GLS2: variants seen among roughly 807,000 people sequenced by gnomAD.
GLS2 encodes the protein glutaminase liver isoform, mitochondrial.
GLS2 carries 52 observed loss-of-function variants against 79.0 expected under a neutral mutation model. The observed-to-expected ratio is 0.66, with a 90% CI of 0.53 to 0.83. GLS2 has a LOEUF of 0.83. Among genes scored for constraint, GLS2 ranks in the 40% least tolerant of loss-of-function variants. GLS2 has a pLI of 0.00. For synonymous variants in GLS2, 238 were observed against 280.8 expected (o/e 0.85, Z 1.52); for missense variants, 561 against 764.8 (o/e 0.73, Z 3.14).
rs1359384704 is a variant in GLS2, at chr12:56,478,062, G to A, written c.649C>T (p.Leu217=). The stretch of plus-strand genomic sequence containing the variant: ...GTGAGGGGCTTCACACAGGACTGCA[G>A]GCAGAAGGGGATCTTTGTGTGGCCC... ...SVGHTKIPFC[L]QSCVKPLTYA... is the part of the protein sequence containing the mutation. The change falls in exon 6 of 18, where the codon CTG becomes TTG. Residue 217 remains leucine (L), a synonymous_variant. Coordinates refer to ENST00000311966, the MANE Select transcript of GLS2 (RefSeq NM_013267.4). 6.2e-7 allele frequency: 1 copy of A among 1,614,108 alleles called. No individual in the cohort carries two copies. Among genetic ancestry groups the A allele is most frequent in the African/African-American group, 1.3e-5 (1 of 74,946 alleles).
intron 14 of GLS2, 99 bp from the exon 15 acceptor site, chr12:56,472,850 C>T: frequency 2.2e-6 from 2 of 911,392 alleles, no homozygotes; most frequent in Non-Finnish European, 3.6e-6. Flanking sequence ...AAGGGTATTG[C>T]TGAAGTGTTA....
chr12:56,472,477 A>C (rs1335093687), intron 15 of GLS2: 2 of 608,414 alleles, frequency 3.3e-6, no homozygotes, highest in Non-Finnish European at 5.8e-6. Flanking sequence ...TGCTCTTAAC[A>C]CTCAATAACA....
chr12:56,484,881 T>C (rs1355313086), intron 1 of GLS2, among the ~76,000 whole-genome samples: 1 of 152,224 alleles, frequency 6.6e-6, no homozygotes, highest in African/African-American at 2.4e-5. Context: ...GCATGTATTT[T>C]ATGCATAAAA....
intron 15 of GLS2, 151 bp downstream of exon 15, chr12:56,472,531 TAAAAAAAA>T: frequency 1.5e-6 from 1 of 662,106 alleles, no homozygotes. Context: ...TTACTTTTTT[TAAAAAAAA>T]TCTCCTTTTT....
In GLS2 at chr12:56,477,753, C is replaced by A. The variant is rs781422519; in HGVS notation, c.779-35G>T. On this transcript the variant is annotated intron_variant, in intron 6 of 17. Coordinates refer to ENST00000311966, the MANE Select transcript of GLS2 (RefSeq NM_013267.4). ...TACAAACCACCAAGAGTCTTAGCCACTGAACAAAGCCTCCCTGACAGCCCG... is the reference window on the plus strand; with the variant it reads ...TACAAACCACCAAGAGTCTTAGCCAATGAACAAAGCCTCCCTGACAGCCCG... 10 of 1,594,860 alleles carry A rather than the reference C, an allele frequency of 6.3e-6. No homozygotes were observed. The African/African-American group carries it at 1.4e-4, about 22-fold the overall frequency.
At chr12:56,476,050 G>C in intron 7 of GLS2, 73 bp from the exon 8 acceptor site, 1 of 1,457,458 alleles carries the variant, frequency 6.9e-7, no homozygotes, top group Admixed American at 1.7e-5. Context: ...GAAGGATCTA[G>C]TGGAGTTCTA....
chr12:56,481,571 C>T (rs998797659), intron 1 of GLS2, among the ~76,000 whole-genome samples: 10 of 151,582 alleles, frequency 6.6e-5, no homozygotes, highest in Non-Finnish European at 1.5e-4. Context: ...TTGGTAGCTC[C>T]CCAGTGCCTA....
At chr12:56,473,893 A>G (rs1869538206) in intron 12 of GLS2, 1 of 286,530 alleles carries the variant, frequency 3.5e-6, no homozygotes, top group East Asian at 6.9e-5. Context: ...AAATAAATAG[A>G]CACGTAATGT....
In GLS2 at chr12:56,477,649, G is replaced by A; in HGVS notation, c.837+11C>T. 2 of 1,612,416 alleles carry A rather than the reference G, an allele frequency of 1.2e-6. No individual in the cohort carries two copies. The highest frequency in any genetic ancestry group is 1.1e-5 in the South Asian group (1 of 90,900). On this transcript the variant is annotated intron_variant, in intron 7 of 17. Coordinates refer to ENST00000311966, the MANE Select transcript of GLS2 (RefSeq NM_013267.4). ...GGATAATACCTATCAGAAGGTTAAGGTGGCACTGACCTTGATCAGGGAGCT... is the reference window on the plus strand; with the variant it reads ...GGATAATACCTATCAGAAGGTTAAGATGGCACTGACCTTGATCAGGGAGCT...
chr12:56,475,778 A>C, intron 8 of GLS2, 96 bp from the exon 9 acceptor site: 2 of 1,440,230 alleles, frequency 1.4e-6, no homozygotes, highest in Non-Finnish European at 1.9e-6. Flanking sequence ...AGGTCTTGTC[A>C]AGAGGCTTTC....
intron 9 of GLS2, 199 bp from the exon 10 acceptor site, chr12:56,475,309 C>A: frequency 7.4e-7 from 1 of 1,358,808 alleles, no homozygotes; most frequent in Non-Finnish European, 9.9e-7. Context: ...AAAGTAAACC[C>A]AAACCAAACA....
Position 56,478,248 on chromosome 12 carries a change from G to A in GLS2, c.549C>T (p.Ile183=). 1.2e-6 allele frequency: 2 copies of A among 1,614,244 alleles called. No homozygotes were observed. Among genetic ancestry groups the A allele is most frequent in the African/African-American group, 1.3e-5 (1 of 75,058 alleles). The change falls in exon 5 of 18, where the codon ATC becomes ATT. Residue 183 remains isoleucine (I), a synonymous_variant. Coordinates refer to ENST00000311966, the MANE Select transcript of GLS2 (RefSeq NM_013267.4). Reference sequence around the variant, plus strand: ...CTGGGTTTGACTTGGCCAGCTGAGGGATGTAGGCTGCCACCTGGACATGAG... The same window carrying A: ...CTGGGTTTGACTTGGCCAGCTGAGGAATGTAGGCTGCCACCTGGACATGAG... ...ELTGGKVAAY[I]PQLAKSNPDL... is the part of the protein sequence containing the mutation.
At chr12:56,483,218 T>C (rs1048477022) in intron 1 of GLS2, among the ~76,000 whole-genome samples, 34 of 151,170 alleles carry the variant, frequency 2.2e-4, no homozygotes, top group African/African-American at 8.3e-4. Flanking sequence ...GTAGCTGGGA[T>C]TACAGGCACG....
intron 4 of GLS2, chr12:56,478,683 C>A: frequency 3.9e-6 from 1 of 257,052 alleles, no homozygotes; most frequent in Non-Finnish European, 7.6e-6. Context: ...GACTCCCAGC[C>A]CCAGGAAATC....
intron 12 of GLS2, 81 bp downstream of exon 12, chr12:56,474,460 TTCC>T (rs1869606838): frequency 1.2e-5 from 18 of 1,547,256 alleles, no homozygotes; most frequent in Non-Finnish European, 1.5e-5. Context: ...AGGAACAAGC[TTCC>T]ACCTCTATCT....
chr12:56,473,624 A>G, intron 12 of GLS2, 30 bp from the exon 13 acceptor site: 1 of 1,589,804 alleles, frequency 6.3e-7, no homozygotes, highest in East Asian at 2.3e-5. Context: ...CTGAGGATAA[A>G]GTGGGTGTGC....
At chr12:56,481,372 A>G (rs111737917) in intron 1 of GLS2, among the ~76,000 whole-genome samples, 1 of 150,744 alleles carries the variant, frequency 6.6e-6, no homozygotes, top group Non-Finnish European at 1.5e-5. Flanking sequence ...CGCCTGGCTA[A>G]TTTTTTTGTA....
intron 4 of GLS2, chr12:56,478,670 T>C (rs779731824): frequency 1.9e-5 from 5 of 260,394 alleles, no homozygotes; most frequent in Non-Finnish European, 3.0e-5. Flanking sequence ...CTCTCATTCA[T>C]AGGACTCCCA....
chr12:56,487,648 G>A (rs935638681), intron 1 of GLS2: 3 of 493,716 alleles, frequency 6.1e-6, no homozygotes, highest in African/African-American at 2.0e-5. Flanking sequence ...ACTCAGACAC[G>A]TGAGCCAAGC....
Sources: allele counts gnomAD v4.1 joint callset (sites outside exome capture counted in the v4.1 genomes callset), GRCh38; gene constraint gnomAD v4.1.1; transcripts MANE v1.5; gene names NCBI Gene and HGNC (gene_info 2026-07-23, HGNC 2026-07-21).